SPMIP4: variants seen among roughly 807,000 people sequenced by gnomAD.
SPMIP4 encodes sperm microtubule inner protein 4.
chr7:25,162,292 T>C, the SPMIP4 span, among the ~76,000 whole-genome samples: 195 of 146,868 alleles, frequency 1.3e-3, 3 homozygotes, highest in Admixed American at 4.1e-3. Flanking sequence ...AAAAATTAAT[T>C]AAAAAAATAA....
At chr7:25,163,896 G>A in the SPMIP4 span, among the ~76,000 whole-genome samples, 14 of 152,172 alleles carry the variant, frequency 9.2e-5, no homozygotes, top group East Asian at 7.7e-4. This position sits in a 1 kb window ranked among gnomAD's most constrained non-coding sequence, Gnocchi z 4.4. Flanking sequence ...TTGCCATGAC[G>A]TATTAAACAA....
chr7:25,144,604 A>C, the SPMIP4 span, among the ~76,000 whole-genome samples: 1 of 152,222 alleles, frequency 6.6e-6, no homozygotes, highest in African/African-American at 2.4e-5. Flanking sequence ...TGGTCAGGGA[A>C]TTCTGTGGTT....
chr7:25,135,772 A>C, the SPMIP4 span: 4 of 1,268,238 alleles, frequency 3.2e-6, no homozygotes, highest in Non-Finnish European at 4.0e-6. Flanking sequence ...CCAAATTGTT[A>C]AACTTTTCAA....
chr7:25,130,403 C>T, the SPMIP4 span, among the ~76,000 whole-genome samples: 9 of 149,740 alleles, frequency 6.0e-5, no homozygotes, highest in South Asian at 2.1e-4. Context: ...ACCTCTGCCT[C>T]CCAGGTTCAA....
At chr7:25,155,169 A>G in the SPMIP4 span, 5 of 1,562,916 alleles carry the variant, frequency 3.2e-6, no homozygotes, top group Middle Eastern at 1.7e-4. Context: ...GGGGTGTTCA[A>G]TTGGATATGG....
chr7:25,129,214 G>C, the SPMIP4 span, among the ~76,000 whole-genome samples: 1 of 152,208 alleles, frequency 6.6e-6, no homozygotes, highest in Non-Finnish European at 1.5e-5. Flanking sequence ...CCCAAGAATT[G>C]TAGTTCTTTT....
the SPMIP4 span, among the ~76,000 whole-genome samples, chr7:25,134,354 C>A: frequency 7.3e-4 from 90 of 123,820 alleles, no homozygotes; most frequent in African/African-American, 1.9e-3. Context: ...AAAAAAAAAC[C>A]AAAAAAACAA....
the SPMIP4 span, among the ~76,000 whole-genome samples, chr7:25,153,463 T>G: frequency 6.6e-6 from 1 of 151,802 alleles, no homozygotes. Flanking sequence ...TCCCTGCTAC[T>G]TGGGAGGCTG....
chr7:25,165,231 T>C, the SPMIP4 span, among the ~76,000 whole-genome samples: 2 of 152,190 alleles, frequency 1.3e-5, no homozygotes, highest in African/African-American at 2.4e-5. Context: ...TATACTTTTA[T>C]GTATTTTCTT....
the SPMIP4 span, among the ~76,000 whole-genome samples, chr7:25,143,955 G>A: frequency 6.6e-6 from 1 of 152,200 alleles, no homozygotes; most frequent in Non-Finnish European, 1.5e-5. Context: ...CCTGAATGGG[G>A]AAGTGGAGCT....
the SPMIP4 span, chr7:25,142,324 GC>G: frequency 6.3e-7 from 1 of 1,598,186 alleles, no homozygotes; most frequent in Non-Finnish European, 8.6e-7. Context: ...GGGTCCATGG[GC>G]CCCAGACCTT....
At chr7:25,141,805 T>C in the SPMIP4 span, among the ~76,000 whole-genome samples, 1 of 152,166 alleles carries the variant, frequency 6.6e-6, no homozygotes, top group East Asian at 1.9e-4. Flanking sequence ...TGGCACGATC[T>C]CAGCTCATTG....
the SPMIP4 span, chr7:25,155,187 A>T: frequency 6.5e-7 from 1 of 1,541,230 alleles, no homozygotes; most frequent in Non-Finnish European, 8.7e-7. Context: ...TGGCAAGCAG[A>T]TCTCTCTAAG....
At chr7:25,147,282 A>C in the SPMIP4 span, among the ~76,000 whole-genome samples, 8 of 152,234 alleles carry the variant, frequency 5.3e-5, no homozygotes, top group Admixed American at 3.9e-4. Flanking sequence ...TGACAGAACA[A>C]GACTCCATTT....
the SPMIP4 span, among the ~76,000 whole-genome samples, chr7:25,133,517 A>G: frequency 2.6e-5 from 4 of 152,068 alleles, no homozygotes; most frequent in Non-Finnish European, 5.9e-5. Flanking sequence ...CATATTTAGA[A>G]GATCTCTCAG....
the SPMIP4 span, among the ~76,000 whole-genome samples, chr7:25,141,194 T>C: frequency 6.6e-6 from 1 of 152,220 alleles, no homozygotes; most frequent in Non-Finnish European, 1.5e-5. Context: ...TGGCTTTTCA[T>C]TGTAATTCAG....
the SPMIP4 span, among the ~76,000 whole-genome samples, chr7:25,165,662 T>C: frequency 1.9e-3 from 292 of 152,340 alleles, 1 homozygote; most frequent in African/African-American, 6.7e-3. Context: ...TTTCTTACAT[T>C]GAAGCAACGG....
the SPMIP4 span, among the ~76,000 whole-genome samples, chr7:25,150,574 T>C: frequency 5.3e-5 from 8 of 152,342 alleles, no homozygotes; most frequent in South Asian, 4.1e-4. Context: ...CAAGAGATAA[T>C]ATATGGAGAA....
chr7:25,131,938 G>A, the SPMIP4 span, among the ~76,000 whole-genome samples: 2 of 152,228 alleles, frequency 1.3e-5, no homozygotes, highest in African/African-American at 4.8e-5. This position sits in a 1 kb window ranked among gnomAD's most constrained non-coding sequence, Gnocchi z 4.2. Context: ...GAAGTCAGCG[G>A]CGGGTCTGCG....
Sources: gnomAD v4.1 joint callset for allele counts (sites outside exome capture counted in the v4.1 genomes callset) on GRCh38, gnomAD v4.1.1 for gene constraint, Gnocchi (gnomAD v3.1) non-coding constraint, MANE v1.5 for transcripts, NCBI Gene and HGNC (gene_info 2026-07-23, HGNC 2026-07-21) for gene names.